Variants in HJURP observed in about 807,000 individuals in gnomAD.
HJURP encodes Holliday junction recognition protein, also known as 14-3-3-associated AKT substrate.
HJURP carries 49 observed loss-of-function variants against 72.0 expected under a neutral mutation model. The observed-to-expected ratio is 0.68, with a 90% CI of 0.54 to 0.86. HJURP has a LOEUF of 0.86. Among genes scored for constraint, HJURP ranks in the 40% least tolerant of loss-of-function variants. The probability of loss-of-function intolerance (pLI) is 0.00; values close to 1 mark genes in which losing one functional copy is unlikely to be tolerated. For synonymous variants in HJURP, 357 were observed against 347.1 expected (o/e 1.03, Z -0.32); for missense variants, 908 against 936.3 (o/e 0.97, Z 0.39).
intron 3 of HJURP, among the ~76,000 whole-genome samples, chr2:233,850,905 G>A (rs954747083): frequency 1.3e-5 from 2 of 152,206 alleles, no homozygotes; most frequent in Non-Finnish European, 2.9e-5. Flanking sequence ...CGGCCTGCCA[G>A]GGCCCACAGC....
At chr2:233,851,236 A>C (rs1207348502) in intron 3 of HJURP, among the ~76,000 whole-genome samples, 3 of 152,230 alleles carry the variant, frequency 2.0e-5, no homozygotes, top group African/African-American at 7.2e-5. Context: ...CTTTAACCCG[A>C]TAATCCCACT....
At chr2:233,851,993 G>A (rs1009244354) in intron 3 of HJURP, among the ~76,000 whole-genome samples, 9 of 152,112 alleles carry the variant, frequency 5.9e-5, no homozygotes, top group East Asian at 5.8e-4. Flanking sequence ...GGATGCCCCC[G>A]TAGAAAGGCC....
At chr2:233,847,597 G>A (rs931324668) in intron 4 of HJURP, 136 bp from the exon 5 acceptor site, 3 of 713,798 alleles carry the variant, frequency 4.2e-6, no homozygotes, top group Non-Finnish European at 7.5e-6. Flanking sequence ...ACCCACTGGA[G>A]CCATCTACGG....
In HJURP at chr2:233,840,969, CATAAAGG is replaced by C; in HGVS notation, c.1804_1810del (p.Pro602ValfsTer21). The C allele has an allele frequency of 6.2e-7, 1 of 1,614,154 alleles. No individual in the cohort carries two copies. Among genetic ancestry groups the C allele is most frequent in the Non-Finnish European group, 8.5e-7 (1 of 1,180,006 alleles). On this transcript the variant is annotated frameshift_variant, in exon 8 of 9. Coordinates refer to ENST00000411486, the MANE Select transcript of HJURP (RefSeq NM_018410.5). LOFTEE classifies it high-confidence loss of function. ...TGCTTTATCTGTAGACACTCCAATACATAAAGGCACTGTCATCTGCCCAGGAGATTTG... is the reference window on the plus strand; with the variant it reads ...TGCTTTATCTGTAGACACTCCAATACCACTGTCATCTGCCCAGGAGATTTG...
intron 4 of HJURP, among the ~76,000 whole-genome samples, chr2:233,848,478 C>T (rs770851605): frequency 6.6e-5 from 10 of 152,068 alleles, no homozygotes; most frequent in African/African-American, 9.7e-5. Context: ...GGAGGGAGCC[C>T]GGGTGGGGTT....
chr2:233,852,684 G>T, intron 2 of HJURP, 64 bp from the exon 3 acceptor site: 1 of 1,217,158 alleles, frequency 8.2e-7, no homozygotes, highest in Non-Finnish European at 1.2e-6. Flanking sequence ...TGCTCAATCT[G>T]TGTTCACCAG....
In HJURP at chr2:233,849,866, G is replaced by C. The variant is rs1228874193; in HGVS notation, c.241-7C>G. On this transcript the variant is annotated splice_region_variant and splice_polypyrimidine_tract_variant and intron_variant, in intron 3 of 8. Coordinates refer to ENST00000411486, the MANE Select transcript of HJURP (RefSeq NM_018410.5). The stretch of plus-strand genomic sequence containing the variant: ...CGGGCTTCATGGAGGAGTCCTCCAA[G>C]TGCAGAAGCCAATAAAAACATGGTT... 3.3e-6 allele frequency: 5 copies of C among 1,525,686 alleles called. No individual in the cohort carries two copies. Among genetic ancestry groups the C allele is most frequent in the Non-Finnish European group, 4.4e-6 (5 of 1,124,334 alleles). The allele number at this position is 1,525,686 out of a possible 1,614,324, so 94.5% of individuals were successfully genotyped here.
chr2:233,854,374 G>T lies in HJURP; in HGVS notation c.117+10C>A. On this transcript the variant is annotated intron_variant, in intron 1 of 8. Transcript: ENST00000411486. ...GGCCTCCCCTCCCGGCGGACCGGCGGGGGCCGCACCTTCTCTATCAGCCGC... is the reference window on the plus strand; with the variant it reads ...GGCCTCCCCTCCCGGCGGACCGGCGTGGGCCGCACCTTCTCTATCAGCCGC... 2 of 1,574,666 alleles carry T rather than the reference G, an allele frequency of 1.3e-6. No homozygotes were observed. The highest frequency in any genetic ancestry group is 1.7e-6 in the Non-Finnish European group (2 of 1,160,526).
At chr2:233,838,012 A>G (rs947561208) in intron 8 of HJURP, among the ~76,000 whole-genome samples, 2 of 152,196 alleles carry the variant, frequency 1.3e-5, no homozygotes, top group Non-Finnish European at 2.9e-5. Context: ...GAATCGATCT[A>G]ATCAAGGGGT....
chr2:233,841,182 G>A lies in HJURP; in HGVS notation c.1598C>T (p.Ala533Val). The A allele has an allele frequency of 6.2e-6, 10 of 1,614,242 alleles. No homozygotes were observed. Among genetic ancestry groups the A allele is most frequent in the South Asian group, 1.1e-5 (1 of 91,086 alleles). ...GTCAGATGTCTGCTGCGGGCGAGTT[G>A]CGCTGTGTGTGGGGTTGGTCTTTGG... Reference protein sequence around the residue: ...SLPKTNPTHSATRPQQTSDLH... With the variant: ...SLPKTNPTHSVTRPQQTSDLH... The change falls in exon 8 of 9, where the codon GCA becomes GTA. Residue 533 changes from alanine (A) to valine (V), a missense_variant. By Grantham distance (64) the Ala-to-Val change is moderately conservative. Coordinates refer to ENST00000411486, the MANE Select transcript of HJURP (RefSeq NM_018410.5).
At position 233,841,168 on chromosome 2, in the gene HJURP, G is replaced by T; in HGVS notation, c.1612C>A (p.Gln538Lys). The change falls in exon 8 of 9, where the codon CAG becomes AAG. Residue 538 changes from glutamine (Q) to lysine (K), a missense_variant. By Grantham distance (53) the Gln-to-Lys change is moderately conservative (BLOSUM62 1). Coordinates refer to ENST00000411486, the MANE Select transcript of HJURP (RefSeq NM_018410.5). ...NPTHSATRPQ[Q>K]TSDLHVQGNS... ...CCCTGAACGTGAAGGTCAGATGTCT[G>T]CTGCGGGCGAGTTGCGCTGTGTGTG... 1 of 1,614,198 alleles carries T rather than the reference G, an allele frequency of 6.2e-7. No homozygotes were observed. The highest frequency in any genetic ancestry group is 8.5e-7 in the Non-Finnish European group (1 of 1,180,032).
intron 4 of HJURP, among the ~76,000 whole-genome samples, chr2:233,848,009 T>C (rs1481507137): frequency 6.6e-6 from 1 of 152,220 alleles, no homozygotes; most frequent in Non-Finnish European, 1.5e-5. Context: ...TAAGGATTTA[T>C]AGTTAAAATC....
At chr2:233,838,633 G>A (rs2124957000) in intron 8 of HJURP, among the ~76,000 whole-genome samples, 1 of 152,274 alleles carries the variant, frequency 6.6e-6, no homozygotes, top group Middle Eastern at 3.4e-3. Context: ...GCAGAGCAGA[G>A]GAGCTCTGAT....
chr2:233,852,537 T>C lies in HJURP; in HGVS notation c.240+28A>G, dbSNP rs777106954. ...TGAATACTCCTCCACAGCAAGGTTA[T>C]TTGGCAATAAAATTTGACACTAAAT... is the stretch of plus-strand genomic sequence containing the variant. On this transcript the variant is annotated intron_variant, in intron 3 of 8. Transcript: ENST00000411486. 9 of 1,524,036 alleles carry C rather than the reference T, an allele frequency of 5.9e-6. No individual in the cohort carries two copies. The Admixed American group carries it at 1.5e-4, about 25-fold the overall frequency. 94.4% of individuals were successfully genotyped at this position (1,524,036 alleles called of 1,614,324 possible).
In HJURP at chr2:233,841,713, T is replaced by C. The variant is rs201682722; in HGVS notation, c.1067A>G (p.Glu356Gly). 15 of 1,614,200 alleles carry C rather than the reference T, an allele frequency of 9.3e-6. No homozygotes were observed. The highest frequency in any genetic ancestry group is 2.2e-5 in the East Asian group (1 of 44,890). Residue 356 changes from glutamate (E) to glycine (G), a missense_variant, in exon 8 of 9, where the codon GAA becomes GGA. Glu to Gly is a moderately conservative substitution (Grantham distance 98). Transcript: ENST00000411486. ...VSCRKTGLKL[E>G]KAFLEVNRPQ... The stretch of plus-strand genomic sequence containing the variant: ...TCTGTTGACTTCAAGAAAAGCTTTT[T>C]CCAATTTTAAACCTGTCTTACGGCA...
chr2:233,854,516 C>T lies in HJURP; in HGVS notation c.-16G>A, dbSNP rs202244524. ...TACCCAGCATCGGACCCAGCCAGTA[C>T]CCAAGCGCCAACCCGGACTGCAGGG... is the stretch of plus-strand genomic sequence containing the variant. On this transcript the variant is annotated 5_prime_UTR_variant, in exon 1 of 9. Transcript: ENST00000411486. 5.0e-6 allele frequency: 8 copies of T among 1,589,034 alleles called. No individual in the cohort carries two copies. The highest frequency in any genetic ancestry group is 6.9e-6 in the Non-Finnish European group (8 of 1,163,640).
chr2:233,846,043 T>A lies in HJURP; in HGVS notation c.403-223A>T. The A allele has an allele frequency of 2.1e-6, 1 of 474,318 alleles. No individual in the cohort carries two copies. Among genetic ancestry groups the A allele is most frequent in the Non-Finnish European group, 3.7e-6 (1 of 267,186 alleles). The allele number at this position is 474,318 out of a possible 1,614,324, so 29.4% of individuals were successfully genotyped here. On this transcript the variant is annotated intron_variant, in intron 5 of 8. Transcript: ENST00000411486. This position sits in a 1 kb window ranked among gnomAD's most constrained non-coding sequence, Gnocchi z 4.3. The stretch of plus-strand genomic sequence containing the variant: ...GACACACACACACAAAAAAACCATG[T>A]CTAGAGAAGTTTATGACAGCATTGC...
chr2:233,841,635 G>A lies in HJURP; in HGVS notation c.1145C>T (p.Ser382Leu), dbSNP rs778621920. ...GAAGTAAATCAAGGAAGAATACTTC[G>A]AGGGTGTCACTTTGCGCTCCTTCCA... The part of the protein sequence containing the change: ...PSWKERKVTP[S>L]KYSSLIYFDS... The change falls in exon 8 of 9, where the codon TCG becomes TTG. Residue 382 changes from serine (S) to leucine (L), a missense_variant. Coordinates refer to ENST00000411486, the MANE Select transcript of HJURP (RefSeq NM_018410.5). 43 of 1,614,024 alleles carry A rather than the reference G, an allele frequency of 2.7e-5. No individual in the cohort carries two copies. The highest frequency in any genetic ancestry group is 1.5e-4 in the Admixed American group (9 of 60,004).
chr2:233,840,516 T>G (rs981790939), intron 8 of HJURP, 93 bp downstream of exon 8: 16 of 1,311,252 alleles, frequency 1.2e-5, no homozygotes, highest in Non-Finnish European at 1.6e-5. Flanking sequence ...TGAGATTCAC[T>G]AAACGTGGCG....
Sources: gnomAD v4.1 joint callset for allele counts (sites outside exome capture counted in the v4.1 genomes callset) on GRCh38, gnomAD v4.1.1 for gene constraint, Gnocchi (gnomAD v3.1) non-coding constraint, MANE v1.5 for transcripts, NCBI Gene and HGNC (gene_info 2026-07-23, HGNC 2026-07-21) for gene names.